The following TASP1 variants were observed in gnomAD, a reference collection of about 807,000 sequenced individuals.
TASP1 encodes the protein threonine aspartase 1.
TASP1 carries 16 observed loss-of-function variants against 56.6 expected under a neutral mutation model. The ratio of observed to expected loss-of-function variants is 0.28; its 90% confidence interval spans 0.19 to 0.43. The LOEUF is 0.43. Among genes scored for constraint, TASP1 ranks in the 20% least tolerant of loss-of-function variants. The probability of loss-of-function intolerance (pLI) is 1.00; values close to 1 mark genes in which losing one functional copy is unlikely to be tolerated. For missense variants in TASP1, 393 were observed against 511.6 expected (o/e 0.77, Z 2.24); for synonymous variants, 179 against 184.2 (o/e 0.97, Z 0.23).
intron 12 of TASP1, among the ~76,000 whole-genome samples, chr20:13,429,421 G>C (rs923165196): frequency 1.3e-5 from 2 of 151,960 alleles, no homozygotes; most frequent in African/African-American, 4.8e-5. Context: ...TGAATGAAGA[G>C]AAAAACTAGT....
chr20:13,586,176 A>AC, intron 5 of TASP1, among the ~76,000 whole-genome samples: 1 of 49,608 alleles, frequency 2.0e-5, no homozygotes, highest in Non-Finnish European at 3.8e-5. Context: ...CTCCATCTCA[A>AC]AAAAAAAAAA....
chr20:13,372,923 A>G, the TASP1 span, among the ~76,000 whole-genome samples: 1 of 151,888 alleles, frequency 6.6e-6, no homozygotes, highest in African/African-American at 2.4e-5. Flanking sequence ...TCTATTACCC[A>G]TTCTTCCTTT....
chr20:13,107,551 A>G, the TASP1 span, among the ~76,000 whole-genome samples: 5 of 152,180 alleles, frequency 3.3e-5, no homozygotes, highest in African/African-American at 1.2e-4. Flanking sequence ...AAAGAACACA[A>G]TAGTGATGCC....
the TASP1 span, among the ~76,000 whole-genome samples, chr20:13,222,659 C>T: frequency 6.6e-6 from 1 of 152,168 alleles, no homozygotes; most frequent in Non-Finnish European, 1.5e-5. Context: ...TTCTGTTTAT[C>T]CATTTCAACT....
At chr20:13,351,703 G>C in the TASP1 span, among the ~76,000 whole-genome samples, 2 of 152,042 alleles carry the variant, frequency 1.3e-5, no homozygotes. Flanking sequence ...CTATAATTGT[G>C]GTGGTGGTGG....
In TASP1 at chr20:13,569,407, C is replaced by G. The variant is rs1353245020; in HGVS notation, c.568+100G>C. 3 of 848,884 alleles carry G rather than the reference C, an allele frequency of 3.5e-6. No individual in the cohort carries two copies. In the African/African-American group the frequency reaches 5.2e-5, roughly 15 times the overall value. 52.6% of individuals were successfully genotyped at this position (848,884 alleles called of 1,614,324 possible). Reference sequence around the variant, plus strand: ...ACAAATCTTTCAACATATAAGTATTCTTCCATAAATATCTGTACTACATGG... The same window carrying G: ...ACAAATCTTTCAACATATAAGTATTGTTCCATAAATATCTGTACTACATGG... On this transcript the variant is annotated intron_variant, in intron 7 of 13. Transcript: ENST00000337743.
the TASP1 span, among the ~76,000 whole-genome samples, chr20:13,340,298 G>C: frequency 2.0e-5 from 3 of 152,120 alleles, no homozygotes; most frequent in Non-Finnish European, 4.4e-5. Context: ...GGGCCTGCAG[G>C]CATCATTGCA....
At chr20:13,266,595 C>A in the TASP1 span, among the ~76,000 whole-genome samples, 2 of 152,118 alleles carry the variant, frequency 1.3e-5, no homozygotes, top group African/African-American at 4.8e-5. Flanking sequence ...GATTGATGTT[C>A]AACTCAAAGA....
At chr20:13,603,607 A>T (rs1191093458) in intron 4 of TASP1, among the ~76,000 whole-genome samples, 7 of 152,228 alleles carry the variant, frequency 4.6e-5, no homozygotes, top group Non-Finnish European at 1.0e-4. Flanking sequence ...AAATTTTATA[A>T]AACATATTAT....
At chr20:13,309,151 C>A in the TASP1 span, among the ~76,000 whole-genome samples, 51,995 of 151,876 alleles carry the variant, frequency 0.34, 9,815 homozygotes, top group Admixed American at 0.42. Context: ...TATCTGGACA[C>A]CAACATACAT....
At chr20:13,500,325 T>C (rs1309692559) in intron 10 of TASP1, among the ~76,000 whole-genome samples, 3 of 146,296 alleles carry the variant, frequency 2.1e-5, no homozygotes, top group African/African-American at 5.1e-5. Context: ...GACTGTACCC[T>C]TTTTCAGAGG....
At chr20:13,363,609 C>T in the TASP1 span, among the ~76,000 whole-genome samples, 1 of 152,300 alleles carries the variant, frequency 6.6e-6, no homozygotes, top group Admixed American at 6.5e-5. Context: ...AAGTGACAAC[C>T]TACTACTGTA....
the TASP1 span, among the ~76,000 whole-genome samples, chr20:13,178,204 G>T: frequency 1.3e-5 from 2 of 152,004 alleles, no homozygotes; most frequent in South Asian, 4.2e-4. Flanking sequence ...CCACAGTGAG[G>T]TAATATCTCA....
chr20:13,325,130 C>A, the TASP1 span, among the ~76,000 whole-genome samples: 1 of 152,216 alleles, frequency 6.6e-6, no homozygotes. Context: ...TAAGTGACCA[C>A]CAGAGGGTGC....
rs147201349 is a variant in TASP1, at chr20:13,579,262, C to T, written c.488+1635G>A. Among the ~76,000 whole-genome samples, 63 of 152,248 alleles carry T rather than the reference C, an allele frequency of 4.1e-4. 1 individual carries two copies. In the East Asian group the frequency reaches 0.012, roughly 28 times the overall value. ...TAAAAAGGTATGGCTAGAAGGACTC[C>T]GCATGCACCTACTGAACAAACACTT... On this transcript the variant is annotated intron_variant, in intron 6 of 13. Coordinates refer to ENST00000337743, the MANE Select transcript of TASP1 (RefSeq NM_017714.3).
At chr20:13,231,397 A>G in the TASP1 span, among the ~76,000 whole-genome samples, 14 of 152,218 alleles carry the variant, frequency 9.2e-5, no homozygotes, top group African/African-American at 3.1e-4. Context: ...GGCAAAGCCT[A>G]CAAATTCCTG....
chr20:13,597,354 C>T (rs980466596), intron 4 of TASP1, among the ~76,000 whole-genome samples: 17 of 152,136 alleles, frequency 1.1e-4, no homozygotes, highest in African/African-American at 4.1e-4. Context: ...TGGCTTCATC[C>T]CTGGGATGCA....
chr20:13,129,277 C>T, the TASP1 span, among the ~76,000 whole-genome samples: 2 of 152,158 alleles, frequency 1.3e-5, no homozygotes, highest in Non-Finnish European at 2.9e-5. Flanking sequence ...GCTGGGATTA[C>T]AGGCGTGAGC....
the TASP1 span, among the ~76,000 whole-genome samples, chr20:13,344,962 G>A: frequency 2.2e-4 from 34 of 152,230 alleles, no homozygotes; most frequent in South Asian, 7.0e-3. Flanking sequence ...ATCCCAGTAA[G>A]GAAATCCAGC....
Sources: gnomAD v4.1 joint callset for allele counts (sites outside exome capture counted in the v4.1 genomes callset) on GRCh38, gnomAD v4.1.1 for gene constraint, MANE v1.5 for transcripts, NCBI Gene and HGNC (gene_info 2026-07-23, HGNC 2026-07-21) for gene names.